Variants in ARHGAP23 observed in about 807,000 individuals in gnomAD.
ARHGAP23 encodes Rho GTPase activating protein 23, also known as rho GTPase-activating protein 23.
A neutral mutation model predicts 136.3 loss-of-function variants in ARHGAP23; 34 were observed. The observed-to-expected ratio is 0.25, with a 90% CI of 0.19 to 0.33. The LOEUF is 0.33. Among genes scored for constraint, ARHGAP23 ranks in the 10% least tolerant of loss-of-function variants. ARHGAP23 has a pLI of 1.00. For synonymous variants in ARHGAP23, 832 were observed against 920.5 expected, an observed-to-expected ratio of 0.90 and a Z score of 1.74; for missense variants, 1,808 against 2,139.0, an observed-to-expected ratio of 0.85 and a Z score of 3.05.
intron 3 of ARHGAP23, among the ~76,000 whole-genome samples, chr17:38,461,910 C>T (rs1405371397): frequency 1.3e-5 from 2 of 152,160 alleles, no homozygotes; most frequent in Non-Finnish European, 2.9e-5. Context: ...CTGCCTCCCC[C>T]ACTGGACAGG....
intron 20 of ARHGAP23, among the ~76,000 whole-genome samples, chr17:38,495,530 G>T (rs1470137186): frequency 1.3e-5 from 2 of 152,128 alleles, no homozygotes; most frequent in Non-Finnish European, 2.9e-5. Context: ...ACTGTGCCCG[G>T]CCAGAGCTTG....
At chr17:38,484,337 AAGGGAGGGGCCGTCTC>A (rs1418360932) in intron 16 of ARHGAP23, among the ~76,000 whole-genome samples, 1 of 151,912 alleles carries the variant, frequency 6.6e-6, no homozygotes. Context: ...GGAGAGGCGG[AAGGGAGGGGCCGTCTC>A]AGGGAGTGGC....
Position 38,510,170 on chromosome 17 carries a change from C to T in ARHGAP23, c.3674C>T (p.Ala1225Val). 1 of 1,306,594 alleles carries T rather than the reference C, an allele frequency of 7.7e-7. No individual in the cohort carries two copies. The highest frequency in any genetic ancestry group is 9.7e-7 in the Non-Finnish European group (1 of 1,035,962). 80.9% of individuals were successfully genotyped at this position (1,306,594 alleles called of 1,614,324 possible). A position where few individuals can be genotyped will look rare whatever the true frequency, so the allele number is the denominator to read the frequency against. ...CTGCCTGGCGCCGTCGCCCCCGAGGCCCCCGGACGCCTCAGTCCCCCGGCG... is the reference window on the plus strand; with the variant it reads ...CTGCCTGGCGCCGTCGCCCCCGAGGTCCCCGGACGCCTCAGTCCCCCGGCG... ...GPLPGAVAPE[A>V]PGRLSPPAAP... Residue 1225 changes from alanine to valine, a missense_variant, in exon 24 of 24, where the codon GCC (alanine) becomes GTC (valine). Physicochemically the swap from Ala to Val is moderately conservative, Grantham distance 64. Transcript: ENST00000622683. This position sits in a 1 kb window ranked among gnomAD's most constrained non-coding sequence, Gnocchi z 4.6.
chr17:38,434,204 C>G (rs56298030), intron 1 of ARHGAP23, among the ~76,000 whole-genome samples: 1 of 152,024 alleles, frequency 6.6e-6, no homozygotes, highest in African/African-American at 2.4e-5. Flanking sequence ...TTCCCTGTCC[C>G]GCCAACCCCC....
At chr17:38,497,732 G>T (rs1194130480) in intron 20 of ARHGAP23, 53 bp from the exon 21 acceptor site, 1 of 1,527,058 alleles carries the variant, frequency 6.5e-7, no homozygotes, top group Admixed American at 2.0e-5. Flanking sequence ...GCAGGTGGAA[G>T]AGACTCTTCT....
chr17:38,435,600 T>C (rs1462061158), intron 1 of ARHGAP23, among the ~76,000 whole-genome samples: 1 of 152,074 alleles, frequency 6.6e-6, no homozygotes, highest in Non-Finnish European at 1.5e-5. Context: ...CTGGGGAAAA[T>C]TTTTTGTTGT....
chr17:38,487,123 C>T (rs554991151), intron 17 of ARHGAP23, among the ~76,000 whole-genome samples: 10 of 152,336 alleles, frequency 6.6e-5, no homozygotes, highest in African/African-American at 1.9e-4. Flanking sequence ...GGCACACAGT[C>T]GCTCTCAGGA....
At position 38,471,729 on chromosome 17, in the gene ARHGAP23, A is replaced by G; in HGVS notation, c.1975-134A>G. On this transcript the variant is annotated intron_variant, in intron 10 of 23. Coordinates refer to ENST00000622683, the MANE Select transcript of ARHGAP23 (RefSeq NM_001199417.2). ...GGTCCAGAGAGGACAAGCAATGCCCATGAGGTCGCACAGCACATCGGGGTG... is the reference window on the plus strand; with the variant it reads ...GGTCCAGAGAGGACAAGCAATGCCCGTGAGGTCGCACAGCACATCGGGGTG... 7.8e-6 allele frequency: 8 copies of G among 1,027,312 alleles called. No individual in the cohort carries two copies. In the South Asian group the frequency reaches 1.0e-4, roughly 13 times the overall value. 63.6% of individuals were successfully genotyped at this position (1,027,312 alleles called of 1,614,324 possible).
chr17:38,509,828 C>A, intron 23 of ARHGAP23, 116 bp from the exon 24 acceptor site: 2 of 834,038 alleles, frequency 2.4e-6, no homozygotes, highest in Non-Finnish European at 3.2e-6. Context: ...GGGTGCTGGC[C>A]TTGGCTGGGG....
chr17:38,471,527 A>G (rs1158618468), intron 10 of ARHGAP23, among the ~76,000 whole-genome samples: 1 of 151,302 alleles, frequency 6.6e-6, no homozygotes, highest in Non-Finnish European at 1.5e-5. Context: ...TGTTTATTTA[A>G]CTCCTCGTTG....
intron 23 of ARHGAP23, among the ~76,000 whole-genome samples, chr17:38,508,816 G>C (rs950935645): frequency 1.3e-5 from 2 of 152,140 alleles, no homozygotes; most frequent in Non-Finnish European, 2.9e-5. Context: ...GGATGCTGTG[G>C]TTCCGGATAG....
At chr17:38,496,209 A>G (rs962174962) in intron 20 of ARHGAP23, among the ~76,000 whole-genome samples, 2 of 152,114 alleles carry the variant, frequency 1.3e-5, no homozygotes, top group East Asian at 1.9e-4. Context: ...GTCACTATCA[A>G]TTTCTAATGC....
intron 1 of ARHGAP23, among the ~76,000 whole-genome samples, chr17:38,436,394 C>T (rs1308078389): frequency 7.5e-6 from 1 of 132,888 alleles, no homozygotes; most frequent in African/African-American, 2.5e-5. Context: ...CCCCTACCCC[C>T]CCAAAAAAAA....
intron 22 of ARHGAP23, chr17:38,500,198 T>G (rs2040490571): frequency 4.3e-6 from 1 of 231,828 alleles, no homozygotes; most frequent in Non-Finnish European, 8.5e-6. Flanking sequence ...TGTGATTTGC[T>G]GTGTTTCACT....
intron 1 of ARHGAP23, among the ~76,000 whole-genome samples, chr17:38,421,721 G>A (rs899656851): frequency 6.6e-6 from 1 of 152,184 alleles, no homozygotes; most frequent in Non-Finnish European, 1.5e-5. Context: ...GGTCAGTCCC[G>A]CCCCTCTTTT....
At chr17:38,482,862 A>G (rs2040078772) in intron 16 of ARHGAP23, among the ~76,000 whole-genome samples, 184 bp downstream of exon 16, 1 of 152,222 alleles carries the variant, frequency 6.6e-6, no homozygotes, top group African/African-American at 2.4e-5. Flanking sequence ...GGGGATGGGC[A>G]TCACCCCAGG....
At chr17:38,492,538 C>T (rs561071183) in intron 20 of ARHGAP23, among the ~76,000 whole-genome samples, 5 of 152,326 alleles carry the variant, frequency 3.3e-5, no homozygotes, top group Non-Finnish European at 5.9e-5. Context: ...TCTGACTAAC[C>T]AAAGCCTGTG....
At chr17:38,469,485 C>T (rs965345056) in intron 8 of ARHGAP23, 39 bp from the exon 9 acceptor site, 4 of 1,530,980 alleles carry the variant, frequency 2.6e-6, no homozygotes, top group Non-Finnish European at 3.5e-6. Context: ...TGACCTGCTG[C>T]CCCGCTGACC....
chr17:38,434,847 A>G (rs1352760621), intron 1 of ARHGAP23, among the ~76,000 whole-genome samples: 2 of 152,194 alleles, frequency 1.3e-5, no homozygotes, highest in Non-Finnish European at 2.9e-5. Context: ...AGCTCTTGGG[A>G]GGAGGGAGAG....
Sources: gnomAD v4.1 joint callset for allele counts (sites outside exome capture counted in the v4.1 genomes callset) on GRCh38, gnomAD v4.1.1 for gene constraint, Gnocchi (gnomAD v3.1) non-coding constraint, MANE v1.5 for transcripts, NCBI Gene and HGNC (gene_info 2026-07-23, HGNC 2026-07-21) for gene names.